ZC3H12B: variants seen among roughly 807,000 people sequenced by gnomAD.
The protein encoded by ZC3H12B is zinc finger CCCH-type containing 12B.
ZC3H12B carries 7 observed loss-of-function variants against 43.9 expected under a neutral mutation model. The observed-to-expected ratio is 0.16, with a 90% CI of 0.09 to 0.30. The LOEUF (loss-of-function observed/expected upper bound fraction) is 0.30, where lower values mean the gene tolerates loss of function less well. Among genes scored for constraint, ZC3H12B ranks in the 10% least tolerant of loss-of-function variants. The probability of loss-of-function intolerance (pLI) is 1.00; values close to 1 mark genes in which losing one functional copy is unlikely to be tolerated. For synonymous variants in ZC3H12B, 222 were observed against 241.7 expected (o/e 0.92, Z 0.76); for missense variants, 475 against 670.2 (o/e 0.71, Z 3.22).
the ZC3H12B span, among the ~76,000 whole-genome samples, chrX:65,115,675 A>G: frequency 2.7e-5 from 3 of 111,694 alleles, no homozygotes; most frequent in South Asian, 3.7e-4. Flanking sequence ...TCCCACCTAC[A>G]GTATAAAAGC....
At chrX:65,228,382 C>T in the ZC3H12B span, among the ~76,000 whole-genome samples, 2 of 111,411 alleles carry the variant, frequency 1.8e-5, no homozygotes, top group Admixed American at 1.9e-4. Flanking sequence ...TGGGACGTAT[C>T]TCAAAATAAT....
At chrX:65,473,089 C>T (rs926837636) in intron 3 of ZC3H12B, among the ~76,000 whole-genome samples, 15 of 103,286 alleles carry the variant, frequency 1.5e-4, no homozygotes, top group Middle Eastern at 9.6e-3. Context: ...TCTTGGCTCA[C>T]TGCAACCTCT....
chrX:65,102,916 G>T, the ZC3H12B span, among the ~76,000 whole-genome samples: 1 of 111,289 alleles, frequency 9.0e-6, no homozygotes, highest in South Asian at 3.8e-4. Context: ...ATAGGGTGTG[G>T]GTCACAGAGA....
At chrX:65,136,176 G>T in the ZC3H12B span, among the ~76,000 whole-genome samples, 1 of 111,173 alleles carries the variant, frequency 9.0e-6, no homozygotes, top group Admixed American at 9.6e-5. Context: ...TTTTAAACTG[G>T]CCTTCACTGA....
chrX:65,211,904 ATG>A, the ZC3H12B span, among the ~76,000 whole-genome samples: 1 of 75,752 alleles, frequency 1.3e-5, no homozygotes, highest in East Asian at 4.1e-4. Flanking sequence ...TATAATATAT[ATG>A]TTATGTATAC....
At chrX:65,121,039 G>C in the ZC3H12B span, among the ~76,000 whole-genome samples, 27 of 111,103 alleles carry the variant, frequency 2.4e-4, no homozygotes, top group Non-Finnish European at 4.7e-4. Flanking sequence ...ATGTACTGCA[G>C]GATTCTTTTT....
the ZC3H12B span, among the ~76,000 whole-genome samples, chrX:65,211,708 T>A: frequency 1.1e-5 from 1 of 88,249 alleles, no homozygotes; most frequent in South Asian, 4.7e-4. Context: ...TAATATATAA[T>A]ATATATTATA....
chrX:65,483,305 T>C (rs1330634301), intron 3 of ZC3H12B, among the ~76,000 whole-genome samples: 2 of 111,822 alleles, frequency 1.8e-5, no homozygotes, highest in Non-Finnish European at 3.8e-5. Context: ...CAGATGGGTA[T>C]AGTTGGAGGT....
chrX:65,336,672 G>A, the ZC3H12B span, among the ~76,000 whole-genome samples: 1 of 112,141 alleles, frequency 8.9e-6, no homozygotes, highest in Non-Finnish European at 1.9e-5. Context: ...AGGGAGAGAA[G>A]CATTGTCTGT....
chrX:65,197,995 A>G, the ZC3H12B span, among the ~76,000 whole-genome samples: 2 of 112,213 alleles, frequency 1.8e-5, no homozygotes, highest in Non-Finnish European at 3.8e-5. Flanking sequence ...CAACGTACAC[A>G]TCCGTTTTTA....
the ZC3H12B span, among the ~76,000 whole-genome samples, chrX:65,066,627 C>T: frequency 2.7e-5 from 3 of 111,946 alleles, no homozygotes; most frequent in African/African-American, 9.8e-5. Context: ...GTCAGTGATC[C>T]ACTTGAGGTG....
the ZC3H12B span, among the ~76,000 whole-genome samples, chrX:65,321,687 A>T: frequency 9.0e-6 from 1 of 110,689 alleles, no homozygotes; most frequent in African/African-American, 3.3e-5. Context: ...AAAAAAAAAA[A>T]ACAGTACATA....
At chrX:65,136,555 A>C in the ZC3H12B span, among the ~76,000 whole-genome samples, 1 of 111,104 alleles carries the variant, frequency 9.0e-6, no homozygotes, top group Non-Finnish European at 1.9e-5. Context: ...GTTTTGCTAA[A>C]AGATTTTTGT....
At chrX:65,289,266 A>G in the ZC3H12B span, among the ~76,000 whole-genome samples, 1 of 110,885 alleles carries the variant, frequency 9.0e-6, no homozygotes, top group Admixed American at 9.7e-5. Flanking sequence ...TGGAACACAA[A>G]CAGAGCCTGA....
chrX:65,272,694 A>G, the ZC3H12B span: 1 of 111,841 alleles, frequency 8.9e-6, no homozygotes, highest in Non-Finnish European at 1.9e-5. Context: ...GTGCTCCAGA[A>G]ATCAGAGTAG....
At chrX:65,443,324 C>G (rs750758259) in intron 3 of ZC3H12B, among the ~76,000 whole-genome samples, 1 of 110,878 alleles carries the variant, frequency 9.0e-6, no homozygotes, top group South Asian at 3.9e-4. Flanking sequence ...TTCGAGCCCC[C>G]ACGAATGGAC....
chrX:65,217,575 G>A, the ZC3H12B span, among the ~76,000 whole-genome samples: 998 of 111,987 alleles, frequency 8.9e-3, 17 homozygotes, highest in African/African-American at 0.031. Context: ...CACAGACAAG[G>A]AAATCAGAAT....
At chrX:65,117,529 G>A in the ZC3H12B span, among the ~76,000 whole-genome samples, 10 of 111,618 alleles carry the variant, frequency 9.0e-5, no homozygotes, top group Non-Finnish European at 1.9e-4. Flanking sequence ...CACTCTGATG[G>A]TAGTTTGTTT....
At chrX:65,203,460 G>T in the ZC3H12B span, among the ~76,000 whole-genome samples, 1 of 110,564 alleles carries the variant, frequency 9.0e-6, no homozygotes, top group Non-Finnish European at 1.9e-5. Context: ...ATTCTGCCAG[G>T]ACTGGGTCCT....
Sources: gnomAD v4.1 joint callset for allele counts (sites outside exome capture counted in the v4.1 genomes callset) on GRCh38, gnomAD v4.1.1 for gene constraint, MANE v1.5 for transcripts, NCBI Gene and HGNC (gene_info 2026-07-23, HGNC 2026-07-21) for gene names.